The following FMN1 variants were observed in gnomAD, a reference collection of about 807,000 sequenced individuals.
FMN1 encodes the protein formin 1.
Under a neutral mutation model 132.4 loss-of-function variants are expected in FMN1, and 110 were observed. The ratio of observed to expected loss-of-function variants is 0.83; its 90% CI spans 0.71 to 0.97. The LOEUF (loss-of-function observed/expected upper bound fraction) is 0.97, where lower values mean the gene tolerates loss of function less well. FMN1 is among the 50% of genes least tolerant of loss of function. FMN1 has a pLI of 0.00. For synonymous variants in FMN1, 722 were observed against 651.7 expected (o/e 1.11, Z -1.64); for missense variants, 1,792 against 1,705.3 (o/e 1.05, Z -0.90).
intron 9 of FMN1, among the ~76,000 whole-genome samples, chr15:32,947,572 T>C (rs1426940187): frequency 6.6e-6 from 1 of 152,096 alleles, no homozygotes; most frequent in Non-Finnish European, 1.5e-5. Context: ...AGATTTTGAT[T>C]GAAATGACTT....
intron 7 of FMN1, among the ~76,000 whole-genome samples, chr15:32,999,795 G>A (rs1490891789): frequency 6.6e-6 from 1 of 152,212 alleles, no homozygotes; most frequent in African/African-American, 2.4e-5. Flanking sequence ...AACTGCTTAA[G>A]GTGTTGGTCA....
rs1314225449 is a variant in FMN1, at chr15:32,917,973, TA to T, written c.3227-7439del. 2.0e-5 allele frequency among the ~76,000 whole-genome samples: 3 copies of T among 152,204 alleles called. No homozygotes were observed. The East Asian group carries it at 5.8e-4, about 29-fold the overall frequency. ...TCCACCATTATTTAATTCATGCTAA[TA>T]CATGGTTCACTTCTAATACGCTATT... On this transcript the variant is annotated intron_variant, in intron 10 of 20. Coordinates refer to ENST00000616417, the MANE Select transcript of FMN1 (RefSeq NM_001277313.2).
intron 4 of FMN1, among the ~76,000 whole-genome samples, chr15:33,095,832 ATTACTGG>A (rs1245355592): frequency 4.6e-5 from 7 of 152,136 alleles, no homozygotes; most frequent in African/African-American, 1.7e-4. Context: ...ATATGATGTA[ATTACTGG>A]TTGTCTTAAT....
chr15:33,015,577 TG>T (rs2034994771), intron 6 of FMN1, among the ~76,000 whole-genome samples: 1 of 152,202 alleles, frequency 6.6e-6, no homozygotes, highest in South Asian at 2.1e-4. Flanking sequence ...AGAAACTTTC[TG>T]AATTCTCCAC....
intron 10 of FMN1, among the ~76,000 whole-genome samples, chr15:32,921,818 T>G (rs898584855): frequency 5.3e-5 from 8 of 152,012 alleles, no homozygotes; most frequent in Non-Finnish European, 1.0e-4. Flanking sequence ...TACAAGTTTG[T>G]GCCACCACCA....
Position 32,768,842 on chromosome 15 carries a change from A to G in FMN1, c.*5468T>C, listed in dbSNP as rs879164059. The G allele has an allele frequency of 3.9e-5, 6 of 152,218 alleles. No homozygotes were observed. Among genetic ancestry groups the G allele is most frequent in the East Asian group, 1.9e-4 (1 of 5,202 alleles). 9.4% of individuals were successfully genotyped at this position (152,218 alleles called of 1,614,324 possible). A position where few individuals can be genotyped will look rare whatever the true frequency, so the allele number is the denominator to read the frequency against. The stretch of plus-strand genomic sequence containing the variant: ...AATGTAGAAAAATAAATTGATGGCT[A>G]TATCTAACACCTTCATATAAAAATG... On this transcript the variant is annotated 3_prime_UTR_variant, in exon 21 of 21. Coordinates refer to ENST00000616417, the MANE Select transcript of FMN1 (RefSeq NM_001277313.2).
intron 10 of FMN1, among the ~76,000 whole-genome samples, chr15:32,919,826 T>G (rs1341188961): frequency 1.3e-5 from 2 of 152,192 alleles, no homozygotes; most frequent in African/African-American, 4.8e-5. Context: ...TTGCATAAAC[T>G]TTGACAAAGA....
intron 9 of FMN1, among the ~76,000 whole-genome samples, chr15:32,930,464 T>C (rs1454008143): frequency 6.6e-6 from 1 of 152,018 alleles, no homozygotes; most frequent in Non-Finnish European, 1.5e-5. Context: ...GTTATCTCAT[T>C]GTGATTTTGA....
intron 10 of FMN1, among the ~76,000 whole-genome samples, chr15:32,917,572 G>A (rs1228166287): frequency 6.6e-6 from 1 of 152,166 alleles, no homozygotes; most frequent in Non-Finnish European, 1.5e-5. Context: ...AATCATATGA[G>A]GCGGGTGCGT....
intron 17 of FMN1, among the ~76,000 whole-genome samples, chr15:32,815,258 T>C (rs1233407537): frequency 6.6e-6 from 1 of 152,200 alleles, no homozygotes; most frequent in Non-Finnish European, 1.5e-5. Flanking sequence ...TTTATTTTTA[T>C]TTCTTCTTTA....
At chr15:33,027,812 T>C (rs2035752161) in intron 6 of FMN1, among the ~76,000 whole-genome samples, 2 of 152,192 alleles carry the variant, frequency 1.3e-5, no homozygotes, top group Admixed American at 1.3e-4. Context: ...TGTAGAGGGT[T>C]AGAAATATGA....
chr15:33,022,812 C>T (rs1194468713), intron 6 of FMN1, among the ~76,000 whole-genome samples: 1 of 152,042 alleles, frequency 6.6e-6, no homozygotes, highest in Admixed American at 6.6e-5. Flanking sequence ...GACTTGTTGC[C>T]TAGAAAAAGG....
At chr15:33,091,693 T>C (rs1279899797) in intron 4 of FMN1, among the ~76,000 whole-genome samples, 2 of 152,206 alleles carry the variant, frequency 1.3e-5, no homozygotes, top group Non-Finnish European at 2.9e-5. Flanking sequence ...AATTTGGGAA[T>C]GGAGAGTTTT....
At chr15:33,110,314 A>T (rs2039651935) in intron 4 of FMN1, among the ~76,000 whole-genome samples, 1 of 152,102 alleles carries the variant, frequency 6.6e-6, no homozygotes, top group South Asian at 2.1e-4. Context: ...TATTTATGAA[A>T]AGTTAAAAAA....
At position 33,068,193 on chromosome 15, in the gene FMN1, C is replaced by G. The variant is rs114961655; in HGVS notation, c.2044-3119G>C. 7.5e-3 allele frequency: 2,344 copies of G among 310,576 alleles called. 54 individuals carry two copies. Among genetic ancestry groups the G allele is most frequent in the African/African-American group, 0.048 (2,201 of 46,084 alleles). The allele number at this position is 310,576 out of a possible 1,614,324, so 19.2% of individuals were successfully genotyped here. A position where few individuals can be genotyped will look rare whatever the true frequency, so the allele number is the denominator to read the frequency against. ...CTCTTCTGAAACTTCCGTATTTATT[C>G]CCGGGGACAAAAGCCTTTTTGTCAT... On this transcript the variant is annotated intron_variant, in intron 5 of 20. Coordinates refer to ENST00000616417, the MANE Select transcript of FMN1 (RefSeq NM_001277313.2).
chr15:32,875,986 C>T (rs560590003), intron 16 of FMN1, among the ~76,000 whole-genome samples: 146 of 152,066 alleles, frequency 9.6e-4, no homozygotes, highest in African/African-American at 3.4e-3. Context: ...ATATGCCTGC[C>T]CTACTCACTT....
intron 8 of FMN1, among the ~76,000 whole-genome samples, chr15:32,964,994 G>GCGTA (rs1034557611): frequency 1.3e-5 from 2 of 152,254 alleles, no homozygotes; most frequent in African/African-American, 4.8e-5. Context: ...TGAGAATCAG[G>GCGTA]CGTAACAGAA....
intron 7 of FMN1, among the ~76,000 whole-genome samples, chr15:33,007,324 G>A (rs1039627115): frequency 3.9e-5 from 6 of 152,108 alleles, no homozygotes; most frequent in African/African-American, 2.4e-5. Flanking sequence ...TGAAGCAGGG[G>A]GTTACTGCAG....
intron 3 of FMN1, among the ~76,000 whole-genome samples, chr15:33,171,296 G>A (rs952965572): frequency 6.6e-6 from 1 of 152,086 alleles, no homozygotes; most frequent in Admixed American, 6.6e-5. Context: ...TCTGATGGGC[G>A]ACAGTAGAGT....
Sources: allele counts gnomAD v4.1 joint callset (sites outside exome capture counted in the v4.1 genomes callset), GRCh38; gene constraint gnomAD v4.1.1; transcripts MANE v1.5; gene names NCBI Gene and HGNC (gene_info 2026-07-23, HGNC 2026-07-21).